The following CNST variants were observed in gnomAD, a reference collection of about 807,000 sequenced individuals.
CNST encodes consortin.
In CNST, 39 loss-of-function variants were observed where a neutral mutation model predicts 72.4. The ratio of observed to expected loss-of-function variants is 0.54; its 90% CI spans 0.42 to 0.70. The LOEUF (loss-of-function observed/expected upper bound fraction) is 0.70, where lower values mean the gene tolerates loss of function less well. Ranked by LOEUF, CNST falls within the 30% of genes least tolerant of loss-of-function variation. CNST has a pLI of 0.00. For missense variants in CNST, 871 were observed against 868.5 expected (o/e 1.00, Z -0.04); for synonymous variants, 332 against 320.1 (o/e 1.04, Z -0.40).
chr1:246,646,654 G>A (rs3129556), intron 8 of CNST, among the ~76,000 whole-genome samples: 138,757 of 152,102 alleles, frequency 0.91, 63,285 homozygotes, highest in South Asian at 0.94. Flanking sequence ...CTAATTTTGT[G>A]TTTTTAATAG....
intron 2 of CNST, among the ~76,000 whole-genome samples, chr1:246,592,260 G>A (rs1175638721): frequency 6.6e-6 from 1 of 152,186 alleles, no homozygotes; most frequent in Non-Finnish European, 1.5e-5. Flanking sequence ...GCCGAGGTGG[G>A]CGGATTACCT....
intron 10 of CNST, among the ~76,000 whole-genome samples, chr1:246,662,582 G>T (rs968238015): frequency 2.0e-5 from 3 of 152,078 alleles, no homozygotes; most frequent in Non-Finnish European, 4.4e-5. Flanking sequence ...AGAGACAGGG[G>T]GTTTCACCAT....
intron 9 of CNST, among the ~76,000 whole-genome samples, chr1:246,649,899 C>T (rs778115087): frequency 2.6e-5 from 4 of 151,112 alleles, no homozygotes; most frequent in Admixed American, 1.3e-4. Flanking sequence ...AACCTCCTCC[C>T]TACTCAGCTG....
At chr1:246,593,428 T>A (rs993956638) in intron 2 of CNST, among the ~76,000 whole-genome samples, 1 of 151,778 alleles carries the variant, frequency 6.6e-6, no homozygotes, top group Non-Finnish European at 1.5e-5. Context: ...ATTCAAGCAA[T>A]TCTCCTTCCT....
chr1:246,578,401 G>A (rs1456877150), intron 1 of CNST, among the ~76,000 whole-genome samples: 4 of 152,180 alleles, frequency 2.6e-5, no homozygotes, highest in East Asian at 1.9e-4. Context: ...GGCTGGGCGT[G>A]GTGGCTCACG....
At chr1:246,586,473 T>A (rs1364521305) in intron 1 of CNST, among the ~76,000 whole-genome samples, 2 of 148,522 alleles carry the variant, frequency 1.3e-5, no homozygotes, top group Admixed American at 6.8e-5. Flanking sequence ...ATATATATCT[T>A]AGCTATATCT....
chr1:246,587,218 C>A (rs1349697279), intron 1 of CNST, among the ~76,000 whole-genome samples: 1 of 152,030 alleles, frequency 6.6e-6, no homozygotes, highest in African/African-American at 2.4e-5. Context: ...CTCACCTCAG[C>A]CTCTTGAGTA....
chr1:246,611,529 T>C (rs944108234), intron 2 of CNST, among the ~76,000 whole-genome samples: 2 of 152,186 alleles, frequency 1.3e-5, no homozygotes, highest in Non-Finnish European at 1.5e-5. Context: ...AAAGCATATT[T>C]TAGATAAGGA....
In CNST at chr1:246,641,735, CT is replaced by C; in HGVS notation, c.819-8del. 1 of 1,298,678 alleles carries C rather than the reference CT, an allele frequency of 7.7e-7. No individual in the cohort carries two copies. 80.4% of individuals were successfully genotyped at this position (1,298,678 alleles called of 1,614,324 possible). On this transcript the variant is annotated splice_polypyrimidine_tract_variant and intron_variant, in intron 6 of 10. Transcript: ENST00000366513. ...ATTTTTTTAAAATTCTTTTTTCTTT[CT>C]TTTTTCCTACAGTCCTCTTTTATCC...
At chr1:246,586,382 T>C (rs1355511897) in intron 1 of CNST, among the ~76,000 whole-genome samples, 1 of 147,502 alleles carries the variant, frequency 6.8e-6, no homozygotes, top group Non-Finnish European at 1.5e-5. Flanking sequence ...AAGATCTATA[T>C]CAAAGATATA....
chr1:246,615,113 A>G (rs146225652), intron 2 of CNST, among the ~76,000 whole-genome samples: 1 of 152,318 alleles, frequency 6.6e-6, no homozygotes, highest in East Asian at 1.9e-4. Flanking sequence ...GGTGTGATCA[A>G]TTGAATAAAA....
chr1:246,634,803 A>G (rs3006086), intron 6 of CNST, among the ~76,000 whole-genome samples: 4 of 152,198 alleles, frequency 2.6e-5, no homozygotes, highest in Admixed American at 6.5e-5. Context: ...TTTAATGAGC[A>G]CCTGGGTGCA....
In CNST at chr1:246,648,085, A is replaced by G. The variant is rs766798808; in HGVS notation, c.1836+48A>G. The G allele has an allele frequency of 2.6e-6, 4 of 1,545,932 alleles. No homozygotes were observed. The African/African-American group carries it at 4.2e-5, about 16-fold the overall frequency. On this transcript the variant is annotated intron_variant, in intron 9 of 10. Coordinates refer to ENST00000366513, the MANE Select transcript of CNST (RefSeq NM_152609.3). ...TTAAAAGTAAAATGGCATTTAAAAA[A>G]CATATATATGTATTAAATATTGCCT...
chr1:246,567,542 G>A (rs912800524), intron 1 of CNST, among the ~76,000 whole-genome samples: 1 of 152,132 alleles, frequency 6.6e-6, no homozygotes, highest in African/African-American at 2.4e-5. Context: ...GTGTAATTGA[G>A]TTTGGCATTT....
chr1:246,639,391 C>A lies in CNST; in HGVS notation c.819-2358C>A, dbSNP rs554042401. ...CCAGAGCCTAAAATATCCCACTAGT[C>A]CTAGAAAAGAGAGAATTTCTTGCTT... On this transcript the variant is annotated intron_variant, in intron 6 of 10. Transcript: ENST00000366513. 1.4e-3 allele frequency among the ~76,000 whole-genome samples: 213 copies of A among 152,096 alleles called. 5 individuals carry two copies. The South Asian group carries it at 0.038, about 27-fold the overall frequency.
intron 2 of CNST, among the ~76,000 whole-genome samples, chr1:246,610,926 C>T (rs542271479): frequency 1.9e-4 from 29 of 152,236 alleles, no homozygotes; most frequent in African/African-American, 3.9e-4. Context: ...ATGCCTCAAC[C>T]GTATTTTTTT....
At chr1:246,630,754 T>G (rs900497585) in intron 3 of CNST, among the ~76,000 whole-genome samples, 8 of 151,294 alleles carry the variant, frequency 5.3e-5, no homozygotes, top group East Asian at 1.9e-4. Context: ...TTTGTTTTGG[T>G]TTTTTTTTGA....
intron 9 of CNST, 21 bp from the exon 10 acceptor site, chr1:246,660,178 G>T: frequency 6.3e-7 from 1 of 1,586,992 alleles, no homozygotes; most frequent in South Asian, 1.2e-5. Context: ...AAGAATTATA[G>T]GTTCTTATAA....
chr1:246,621,685 T>A, intron 3 of CNST, 51 bp downstream of exon 3: 1 of 1,454,880 alleles, frequency 6.9e-7, no homozygotes, highest in Non-Finnish European at 9.7e-7. Flanking sequence ...CCCCTAGCAG[T>A]GTTTGGAATG....
Sources: gnomAD v4.1 joint callset for allele counts (sites outside exome capture counted in the v4.1 genomes callset) on GRCh38, gnomAD v4.1.1 for gene constraint, MANE v1.5 for transcripts, NCBI Gene and HGNC (gene_info 2026-07-23, HGNC 2026-07-21) for gene names.